The following RHBDL3 variants were observed in gnomAD, a reference collection of about 807,000 sequenced individuals.
RHBDL3 encodes rhomboid like 3, also known as rhomboid-related protein 3.
In RHBDL3, 28 loss-of-function variants were observed where a neutral mutation model predicts 48.2. The ratio of observed to expected loss-of-function variants is 0.58; its 90% confidence interval spans 0.43 to 0.80. The LOEUF (loss-of-function observed/expected upper bound fraction) is 0.80. Ranked by LOEUF, RHBDL3 falls within the 30% of genes least tolerant of loss-of-function variation. RHBDL3 has a pLI of 0.00. For missense variants in RHBDL3, 464 were observed against 542.7 expected (o/e 0.85, Z 1.44); for synonymous variants, 208 against 232.3 (o/e 0.90, Z 0.95).
At chr17:32,278,413 G>T (rs1015772754) in intron 2 of RHBDL3, among the ~76,000 whole-genome samples, 1 of 152,210 alleles carries the variant, frequency 6.6e-6, no homozygotes, top group African/African-American at 2.4e-5. Context: ...AACTATTTCT[G>T]TCTTGACCGC....
At chr17:32,276,436 T>C (rs140136323) in intron 2 of RHBDL3, among the ~76,000 whole-genome samples, 17 of 152,300 alleles carry the variant, frequency 1.1e-4, no homozygotes, top group African/African-American at 4.1e-4. Context: ...GGACCTAATT[T>C]ACGGGGCTGT....
intron 6 of RHBDL3, among the ~76,000 whole-genome samples, chr17:32,301,186 T>C (rs571606409): frequency 2.7e-5 from 4 of 150,856 alleles, no homozygotes; most frequent in African/African-American, 9.7e-5. Flanking sequence ...GGCAGCCCCC[T>C]GTGCTTCTTT....
chr17:32,294,499 A>C, intron 5 of RHBDL3, 57 bp downstream of exon 5: 1 of 1,476,138 alleles, frequency 6.8e-7, no homozygotes, highest in East Asian at 2.4e-5. Context: ...ATAAGTGGTC[A>C]AGATAGCCTG....
chr17:32,288,404 A>T (rs551617132), intron 3 of RHBDL3: 1 of 209,992 alleles, frequency 4.8e-6, no homozygotes, highest in African/African-American at 2.3e-5. Flanking sequence ...TGCTCAGTAA[A>T]TTGTGATGGA....
intron 5 of RHBDL3, among the ~76,000 whole-genome samples, 167 bp downstream of exon 5, chr17:32,294,609 T>C (rs1355354494): frequency 6.6e-6 from 1 of 152,150 alleles, no homozygotes; most frequent in Non-Finnish European, 1.5e-5. Flanking sequence ...AAGTAAATTA[T>C]TGAGAGTGAA....
At chr17:32,267,855 C>G (rs1429010399) in intron 1 of RHBDL3, 47 bp from the exon 2 acceptor site, 2 of 1,613,508 alleles carry the variant, frequency 1.2e-6, no homozygotes, top group South Asian at 1.1e-5. Flanking sequence ...GTGTGTCTTT[C>G]TTTCTCTCCT....
At position 32,266,114 on chromosome 17, in the gene RHBDL3, CGCCGCGGCGCAA is replaced by C; in HGVS notation, c.-75_-64del. The C allele has an allele frequency of 2.5e-6, 1 of 407,220 alleles. No individual in the cohort carries two copies. Among genetic ancestry groups the C allele is most frequent in the Non-Finnish European group, 3.4e-6 (1 of 296,402 alleles). The allele number at this position is 407,220 out of a possible 1,614,324, so 25.2% of individuals were successfully genotyped here. On this transcript the variant is annotated 5_prime_UTR_variant, in exon 1 of 9. Coordinates refer to ENST00000269051, the MANE Select transcript of RHBDL3 (RefSeq NM_138328.3). ...CACTGAGCCCCTGGAGCGGCGCGGC[CGCCGCGGCGCAA>C]AGTTAGCCCGGCGCCCCGGGACGAG...
At chr17:32,283,442 G>A (rs2040110531) in intron 2 of RHBDL3, among the ~76,000 whole-genome samples, 1 of 149,226 alleles carries the variant, frequency 6.7e-6, no homozygotes. Flanking sequence ...TCCTGCCTCA[G>A]CCTCCCGAGT....
rs1023820914 is a variant in RHBDL3, at chr17:32,297,948, C to T, written c.669-144C>T. The T allele has an allele frequency of 2.6e-4, 163 of 634,856 alleles. No individual in the cohort carries two copies. The East Asian group carries it at 4.4e-3, about 17-fold the overall frequency. The allele number at this position is 634,856 out of a possible 1,614,324, so 39.3% of individuals were successfully genotyped here. ...TCTGTCTGAATTGTCATTCCTTCCC[C>T]TAGACCATGAGCTCCTCGCAGGCAG... is the stretch of plus-strand genomic sequence containing the variant. On this transcript the variant is annotated intron_variant, in intron 5 of 8. Coordinates refer to ENST00000269051, the MANE Select transcript of RHBDL3 (RefSeq NM_138328.3).
chr17:32,271,170 T>G (rs887721060), intron 2 of RHBDL3, among the ~76,000 whole-genome samples: 10 of 152,366 alleles, frequency 6.6e-5, no homozygotes, highest in African/African-American at 1.7e-4. Flanking sequence ...CTCATAAATA[T>G]GCCCTTTTAT....
intron 8 of RHBDL3, among the ~76,000 whole-genome samples, chr17:32,319,736 G>T (rs181597067): frequency 1.5e-4 from 23 of 152,330 alleles, no homozygotes; most frequent in African/African-American, 5.3e-4. Context: ...GGAGAGAAGT[G>T]CCCTGGCTCA....
intron 8 of RHBDL3, among the ~76,000 whole-genome samples, chr17:32,320,724 A>T (rs2041107318): frequency 6.6e-6 from 1 of 152,148 alleles, no homozygotes; most frequent in South Asian, 2.1e-4. Context: ...CCCCCCATAG[A>T]TGTCTCTCTT....
intron 8 of RHBDL3, 138 bp from the exon 9 acceptor site, chr17:32,320,820 C>T: frequency 6.2e-6 from 4 of 641,536 alleles, no homozygotes; most frequent in South Asian, 5.6e-5. Context: ...TGCCTGCCTC[C>T]TTCACTACTG....
At chr17:32,291,225 G>C (rs2040320200) in intron 4 of RHBDL3, among the ~76,000 whole-genome samples, 1 of 151,086 alleles carries the variant, frequency 6.6e-6, no homozygotes, top group South Asian at 2.1e-4. Flanking sequence ...CCCAGCTACT[G>C]GGGAGGCTGA....
At chr17:32,319,476 C>G (rs1303942604) in intron 8 of RHBDL3, among the ~76,000 whole-genome samples, 1 of 150,072 alleles carries the variant, frequency 6.7e-6, no homozygotes, top group Non-Finnish European at 1.5e-5. Context: ...AACTAAAATG[C>G]TGTATCGGAG....
At chr17:32,271,155 C>T (rs2039764670) in intron 2 of RHBDL3, among the ~76,000 whole-genome samples, 1 of 152,210 alleles carries the variant, frequency 6.6e-6, no homozygotes, top group Non-Finnish European at 1.5e-5. Flanking sequence ...CGTACCTCCC[C>T]AGATCTCATA....
chr17:32,267,498 C>T (rs907293458), intron 1 of RHBDL3, among the ~76,000 whole-genome samples: 2 of 151,004 alleles, frequency 1.3e-5, no homozygotes, highest in Admixed American at 6.6e-5. Context: ...GATGGAATTG[C>T]ACCTGGCCAT....
At chr17:32,272,377 G>T (rs1597609998) in intron 2 of RHBDL3, among the ~76,000 whole-genome samples, 1 of 152,330 alleles carries the variant, frequency 6.6e-6, no homozygotes, top group Middle Eastern at 3.4e-3. Context: ...TGGCTTAAAG[G>T]TGTTCTGGGA....
chr17:32,267,092 C>T (rs1315773485), intron 1 of RHBDL3, among the ~76,000 whole-genome samples: 1 of 152,184 alleles, frequency 6.6e-6, no homozygotes, highest in Non-Finnish European at 1.5e-5. Context: ...CGGGCAGACA[C>T]CCTGCCCTGC....
Sources: allele counts gnomAD v4.1 joint callset (sites outside exome capture counted in the v4.1 genomes callset), GRCh38; gene constraint gnomAD v4.1.1; transcripts MANE v1.5; gene names NCBI Gene and HGNC (gene_info 2026-07-23, HGNC 2026-07-21).